Variants in SLC26A11 observed in about 807,000 individuals in gnomAD.
SLC26A11 encodes solute carrier family 26 member 11, also known as sodium-independent sulfate anion transporter.
A neutral mutation model predicts 62.2 loss-of-function variants in SLC26A11; 58 were observed. That is an observed-to-expected ratio of 0.93 (90% confidence interval 0.76 to 1.16). SLC26A11 has a LOEUF of 1.16. Among genes scored for constraint, SLC26A11 ranks in the 50% most tolerant of loss-of-function variants. The pLI, the probability that SLC26A11 is intolerant of heterozygous loss-of-function variation, is 0.00. For missense variants in SLC26A11, 790 were observed against 794.3 expected (o/e 0.99, Z 0.06); for synonymous variants, 411 against 368.9 (o/e 1.11, Z -1.31).
At chr17:80,243,212 G>T (rs759430364) in intron 10 of SLC26A11, among the ~76,000 whole-genome samples, 6 of 152,118 alleles carry the variant, frequency 3.9e-5, no homozygotes, top group Non-Finnish European at 8.8e-5. Context: ...GGTCACAAAG[G>T]GACGTTGCCC....
intron 6 of SLC26A11, among the ~76,000 whole-genome samples, chr17:80,227,122 A>T (rs1235317920): frequency 6.6e-6 from 1 of 152,216 alleles, no homozygotes; most frequent in African/African-American, 2.4e-5. Flanking sequence ...CAGGGTGTCC[A>T]GTCTTTTGTC....
chr17:80,221,850 GT>G, intron 3 of SLC26A11, 56 bp downstream of exon 3: 13 of 1,504,746 alleles, frequency 8.6e-6, no homozygotes, highest in Non-Finnish European at 1.2e-5. Flanking sequence ...AGAATACACA[GT>G]ATCAATCCCA....
chr17:80,250,356 T>C (rs1370474785), intron 16 of SLC26A11, among the ~76,000 whole-genome samples: 1 of 152,092 alleles, frequency 6.6e-6, no homozygotes, highest in Non-Finnish European at 1.5e-5. Flanking sequence ...GTTATCTTCA[T>C]CCCCATGTCC....
At position 80,251,540 on chromosome 17, in the gene SLC26A11, A is replaced by G. The variant is rs1598850916; in HGVS notation, c.1729+139A>G. On this transcript the variant is annotated intron_variant, in intron 17 of 17. Transcript: ENST00000361193. ...CACTTTGGGAGGCCGAGGCAGGTGG[A>G]TCACCTGAGGTCAGGAGTTCGAGAC... The G allele has an allele frequency of 1.6e-5, 18 of 1,100,708 alleles. No homozygotes were observed. The East Asian group carries it at 4.8e-4, about 29-fold the overall frequency. 68.2% of individuals were successfully genotyped at this position (1,100,708 alleles called of 1,614,324 possible). A position where few individuals can be genotyped will look rare whatever the true frequency, so the allele number is the denominator to read the frequency against.
In SLC26A11 at chr17:80,221,744, G is replaced by A. The variant is rs1444775354; in HGVS notation, c.184G>A (p.Ala62Thr). 13 of 1,613,384 alleles carry A rather than the reference G, an allele frequency of 8.1e-6. No individual in the cohort carries two copies. The highest frequency in any genetic ancestry group is 1.1e-5 in the Non-Finnish European group (13 of 1,180,030). ...FVAGLSVGLT[A>T]IPQALAYAEV... ...CGCCGGCCTCTCAGTTGGCCTCACT[G>A]CCATTCCCCAGGCGCTGGCCTATGC... The change falls in exon 3 of 18, where the codon GCC becomes ACC. Residue 62 changes from alanine (A) to threonine (T), a missense_variant. Physicochemically the swap from Ala to Thr is moderately conservative, Grantham distance 58. Transcript: ENST00000361193.
At chr17:80,251,785 A>C (rs551395814) in intron 17 of SLC26A11, among the ~76,000 whole-genome samples, 2 of 151,804 alleles carry the variant, frequency 1.3e-5, no homozygotes, top group South Asian at 2.1e-4. Context: ...AACAAAAAAA[A>C]CAGGAAACCA....
At position 80,225,838 on chromosome 17, in the gene SLC26A11, A is replaced by G; in HGVS notation, c.515A>G (p.Asn172Ser). 6.2e-7 allele frequency: 1 copy of G among 1,613,896 alleles called. No homozygotes were observed. Among genetic ancestry groups the G allele is most frequent in the Non-Finnish European group, 8.5e-7 (1 of 1,179,854 alleles). ...ATCAGCATCTCTGTGTTTGGACAGA[A>G]CCTGCTGGGACTACAGAACATCCCC... is the stretch of plus-strand genomic sequence containing the variant. Reference protein sequence around the residue: ...AVTIGFGQIKNLLGLQNIPRP... With the variant: ...AVTIGFGQIKSLLGLQNIPRP... Residue 172 changes from asparagine to serine, a missense_variant and splice_region_variant, in exon 6 of 18, where the codon AAC becomes AGC. Asn to Ser is a conservative substitution (Grantham distance 46). Coordinates refer to ENST00000361193, the MANE Select transcript of SLC26A11 (RefSeq NM_001166347.2).
chr17:80,230,905 A>G (rs999992209), intron 7 of SLC26A11, among the ~76,000 whole-genome samples: 2 of 152,202 alleles, frequency 1.3e-5, no homozygotes, highest in African/African-American at 4.8e-5. Context: ...AAGATGAAAA[A>G]TAAAACAGAA....
At chr17:80,250,712 A>C (rs770090877) in intron 16 of SLC26A11, among the ~76,000 whole-genome samples, 2 of 152,138 alleles carry the variant, frequency 1.3e-5, no homozygotes, top group Non-Finnish European at 2.9e-5. Context: ...CTGTAATCCC[A>C]GCTGCTCAGG....
Position 80,248,629 on chromosome 17 carries a change from G to A in SLC26A11, c.1477G>A (p.Ala493Thr). 2 of 1,588,742 alleles carry A rather than the reference G, an allele frequency of 1.3e-6. No homozygotes were observed. Among genetic ancestry groups the A allele is most frequent in the East Asian group, 4.6e-5 (2 of 43,468 alleles). ...LQPASGLSFP[A>T]MEALREEILS... ...GCCGGCCAGCGGCCTGTCCTTCCCT[G>A]CCATGGAGGCTCTGCGGGAGGAGAT... The change falls in exon 15 of 18, where the codon GCC (alanine) becomes ACC (threonine). Residue 493 changes from alanine (A) to threonine (T), a missense_variant. Transcript: ENST00000361193.
intron 8 of SLC26A11, 88 bp downstream of exon 8, chr17:80,237,191 A>T: frequency 6.9e-7 from 1 of 1,454,694 alleles, no homozygotes; most frequent in Non-Finnish European, 9.3e-7. Context: ...GCTGGGTGCC[A>T]GGGGGTCTGA....
At position 80,246,809 on chromosome 17, in the gene SLC26A11, C is replaced by A; in HGVS notation, c.1294+160C>A. Among the ~76,000 whole-genome samples, 1 of 152,184 alleles carries A rather than the reference C, an allele frequency of 6.6e-6. No individual in the cohort carries two copies. The highest frequency in any genetic ancestry group is 1.5e-5 in the Non-Finnish European group (1 of 68,030). On this transcript the variant is annotated intron_variant, in intron 13 of 17. Transcript: ENST00000361193. This position sits in a 1 kb window ranked among gnomAD's most constrained non-coding sequence, Gnocchi z 4.4. The stretch of plus-strand genomic sequence containing the variant: ...AGAAGTGGATGGCCAGGAGATGGCC[C>A]CAGAGATGGTCCCGAGGCTCAGTGG...
intron 6 of SLC26A11, among the ~76,000 whole-genome samples, chr17:80,226,347 C>T (rs1289924142): frequency 3.3e-5 from 5 of 151,994 alleles, no homozygotes; most frequent in Admixed American, 6.5e-5. Context: ...GGTGCAGGGA[C>T]GGCAGGTGGA....
At position 80,228,008 on chromosome 17, in the gene SLC26A11, G is replaced by A. The variant is rs1447329881; in HGVS notation, c.736+48G>A. On this transcript the variant is annotated intron_variant, in intron 7 of 17. Coordinates refer to ENST00000361193, the MANE Select transcript of SLC26A11 (RefSeq NM_001166347.2). The surrounding 1 kb of genome is among the most constrained non-coding windows in gnomAD (Gnocchi z 4.1). ...CTTATGCAACCTTGGCTGCAGGTTG[G>A]GGTCACTTGGGGAGTCCTAGTCCCA... 1 of 1,555,790 alleles carries A rather than the reference G, an allele frequency of 6.4e-7. No homozygotes were observed. Among genetic ancestry groups the A allele is most frequent in the Non-Finnish European group, 8.7e-7 (1 of 1,150,586 alleles).
Position 80,241,818 on chromosome 17 carries a change from A to C in SLC26A11, c.1033A>C (p.Ile345Leu), listed in dbSNP as rs747405879. Residue 345 changes from isoleucine (I) to leucine (L), a missense_variant, in exon 10 of 18, where the codon ATC (isoleucine) becomes CTC (leucine). By Grantham distance (5) the Ile-to-Leu change is conservative (BLOSUM62 2). Coordinates refer to ENST00000361193, the MANE Select transcript of SLC26A11 (RefSeq NM_001166347.2). ...RIDANQELLA[I>L]GLTNMLGSLV... ...CGATGCCAACCAGGAGCTGCTGGCC[A>C]TCGGTAAGACCCCAGCCGCGGGAAG... The C allele has an allele frequency of 3.1e-5, 50 of 1,614,070 alleles. No individual in the cohort carries two copies. Among genetic ancestry groups the C allele is most frequent in the Non-Finnish European group, 4.2e-5 (50 of 1,180,038 alleles).
chr17:80,252,773 T>C lies in SLC26A11; in HGVS notation c.*57T>C. On this transcript the variant is annotated 3_prime_UTR_variant, in exon 18 of 18. Transcript: ENST00000361193. The surrounding 1 kb of genome is among the most constrained non-coding windows in gnomAD (Gnocchi z 5.2). ...GGGTGTTCCGGAAGGTTCTTGTCACTGTGATTGGATGCTGGATGCCGCCTG... is the reference window on the plus strand; with the variant it reads ...GGGTGTTCCGGAAGGTTCTTGTCACCGTGATTGGATGCTGGATGCCGCCTG... 6.8e-7 allele frequency: 1 copy of C among 1,471,934 alleles called. No homozygotes were observed. Among genetic ancestry groups the C allele is most frequent in the Non-Finnish European group, 9.4e-7 (1 of 1,061,440 alleles). The allele number at this position is 1,471,934 out of a possible 1,614,324, so 91.2% of individuals were successfully genotyped here.
At chr17:80,220,584 G>A in intron 1 of SLC26A11, 88 bp downstream of exon 1, 2 of 381,874 alleles carry the variant, frequency 5.2e-6, no homozygotes, top group South Asian at 1.4e-4. Flanking sequence ...CAGCCGACGC[G>A]GGGGCCAGCG....
At chr17:80,227,043 C>T (rs1285171671) in intron 6 of SLC26A11, among the ~76,000 whole-genome samples, 2 of 152,144 alleles carry the variant, frequency 1.3e-5, no homozygotes, top group African/African-American at 4.8e-5. Context: ...AGTCAGAGAG[C>T]GTCACGGGCT....
chr17:80,245,868 C>T (rs1240612105), intron 11 of SLC26A11, among the ~76,000 whole-genome samples: 1 of 152,230 alleles, frequency 6.6e-6, no homozygotes, highest in Non-Finnish European at 1.5e-5. Context: ...GACCCTTGCC[C>T]TGCTGGGTAT....
Sources: allele counts gnomAD v4.1 joint callset (sites outside exome capture counted in the v4.1 genomes callset), GRCh38; gene constraint gnomAD v4.1.1; non-coding constraint Gnocchi (gnomAD v3.1); transcripts MANE v1.5; gene names NCBI Gene and HGNC (gene_info 2026-07-23, HGNC 2026-07-21).